KIAA1217: variants seen among roughly 807,000 people sequenced by gnomAD.
KIAA1217 encodes KIAA1217, also known as sickle tail protein homolog.
A neutral mutation model predicts 163.9 loss-of-function variants in KIAA1217; 88 were observed. The ratio of observed to expected loss-of-function variants is 0.54; its 90% CI spans 0.45 to 0.64. The LOEUF is 0.64. Ranked by LOEUF, KIAA1217 falls within the 30% of genes least tolerant of loss-of-function variation. The probability of loss-of-function intolerance (pLI) is 0.00; values close to 1 mark genes in which losing one functional copy is unlikely to be tolerated. For synonymous variants in KIAA1217, 903 were observed against 923.1 expected (o/e 0.98, Z 0.39); for missense variants, 2,372 against 2,475.0 (o/e 0.96, Z 0.88).
intron 2 of KIAA1217, among the ~76,000 whole-genome samples, chr10:24,349,602 C>T (rs2048209435): frequency 6.6e-6 from 1 of 152,116 alleles, no homozygotes; most frequent in South Asian, 2.1e-4. Context: ...CCTTCTTTTG[C>T]CTGGCCAGCT....
At chr10:24,104,045 G>A (rs2062524447) in intron 2 of KIAA1217, among the ~76,000 whole-genome samples, 1 of 151,894 alleles carries the variant, frequency 6.6e-6, no homozygotes, top group Admixed American at 6.6e-5. Flanking sequence ...ACATTGTGGG[G>A]ATTCATTCAT....
chr10:24,402,830 A>T (rs972472707), intron 3 of KIAA1217, among the ~76,000 whole-genome samples: 1 of 152,062 alleles, frequency 6.6e-6, no homozygotes, highest in Non-Finnish European at 1.5e-5. Flanking sequence ...TTGTCTTTTC[A>T]TCCTCTGAAG....
intron 1 of KIAA1217, among the ~76,000 whole-genome samples, chr10:23,924,188 G>A (rs1381151021): frequency 7.1e-6 from 1 of 140,198 alleles, no homozygotes; most frequent in East Asian, 2.1e-4. Flanking sequence ...TTTACTTTAA[G>A]TTCTAGGATA....
intron 1 of KIAA1217, among the ~76,000 whole-genome samples, chr10:23,833,456 C>A (rs557688886): frequency 6.0e-5 from 9 of 149,408 alleles, no homozygotes; most frequent in Non-Finnish European, 1.3e-4. Flanking sequence ...GCACTCTAGG[C>A]TGGATGACAG....
At chr10:23,777,592 T>C (rs1283602425) in intron 1 of KIAA1217, among the ~76,000 whole-genome samples, 1 of 152,198 alleles carries the variant, frequency 6.6e-6, no homozygotes, top group Non-Finnish European at 1.5e-5. Context: ...TTAGGACCCA[T>C]AATCACATTC....
intron 3 of KIAA1217, among the ~76,000 whole-genome samples, chr10:24,387,180 G>A (rs2054128231): frequency 6.6e-6 from 1 of 152,174 alleles, no homozygotes; most frequent in Non-Finnish European, 1.5e-5. Context: ...ACTGAATCCA[G>A]CAGCACATCA....
At chr10:24,503,571 A>G (rs1247088065) in intron 9 of KIAA1217, among the ~76,000 whole-genome samples, 2 of 152,298 alleles carry the variant, frequency 1.3e-5, no homozygotes, top group Non-Finnish European at 1.5e-5. Flanking sequence ...CTCAGTTCCA[A>G]CTGGCTCTTA....
At chr10:24,015,507 G>A (rs1847435352) in intron 2 of KIAA1217, among the ~76,000 whole-genome samples, 1 of 152,050 alleles carries the variant, frequency 6.6e-6, no homozygotes. Flanking sequence ...CATAATCCCA[G>A]CACTTTGGGA....
intron 2 of KIAA1217, chr10:24,158,418 G>T: frequency 1.7e-6 from 1 of 586,420 alleles, no homozygotes; most frequent in South Asian, 1.4e-5. Flanking sequence ...CACAGTATGG[G>T]AATATCTTAA....
At chr10:24,097,772 G>C (rs926220014) in intron 2 of KIAA1217, among the ~76,000 whole-genome samples, 2 of 152,078 alleles carry the variant, frequency 1.3e-5, no homozygotes, top group African/African-American at 4.8e-5. Flanking sequence ...TCCAAATCAG[G>C]ACCATCTGCA....
intron 2 of KIAA1217, among the ~76,000 whole-genome samples, chr10:24,113,130 A>T (rs1419454082): frequency 3.9e-5 from 6 of 152,160 alleles, no homozygotes; most frequent in Non-Finnish European, 7.4e-5. Context: ...ACAACGTGTT[A>T]CAGTAGCCAG....
rs540431949 is a variant in KIAA1217 at position 23,809,850 on chromosome 10, C to T, written c.-321+114616C>T. Among the ~76,000 whole-genome samples the T allele has an allele frequency of 2.0e-5, 3 of 152,146 alleles. No homozygotes were observed. The East Asian group carries it at 5.8e-4, about 29-fold the overall frequency. On this transcript the variant is annotated intron_variant, in intron 1 of 18. Transcript: ENST00000376462. Reference sequence around the variant, plus strand: ...ATGTATCTGCATATGCAGATGGTCTCTGACTTAACAGTTCTTTGACTTATG... The same window carrying T: ...ATGTATCTGCATATGCAGATGGTCTTTGACTTAACAGTTCTTTGACTTATG...
Position 24,060,673 on chromosome 10 carries a change from G to A in KIAA1217, c.-171+53299G>A, listed in dbSNP as rs72773166. Among the ~76,000 whole-genome samples, 1,075 of 152,234 alleles carry A rather than the reference G, an allele frequency of 7.1e-3. 8 individuals are homozygous for A. The highest frequency in any genetic ancestry group is 0.011 in the South Asian group (54 of 4,826). On this transcript the variant is annotated intron_variant, in intron 2 of 18. Transcript: ENST00000376462. ...GAGATGTGCGTGGTGACACAAGCCT[G>A]TAGTCCTAGATACTTGGGAGGCTGA... is the stretch of plus-strand genomic sequence containing the variant.
chr10:23,872,547 T>C (rs541076399), intron 1 of KIAA1217, among the ~76,000 whole-genome samples: 6 of 152,190 alleles, frequency 3.9e-5, no homozygotes, highest in Admixed American at 2.0e-4. Context: ...ATATCTCCAC[T>C]AGCTGGTGTT....
At chr10:24,265,432 T>A (rs952407879) in intron 2 of KIAA1217, among the ~76,000 whole-genome samples, 27 of 152,226 alleles carry the variant, frequency 1.8e-4, no homozygotes, top group African/African-American at 5.8e-4. Context: ...ATCCCACATG[T>A]ACTGCCCTGT....
intron 1 of KIAA1217, among the ~76,000 whole-genome samples, chr10:23,878,256 A>AT (rs141472582): frequency 0.015 from 2,319 of 151,990 alleles, 60 homozygotes; most frequent in African/African-American, 0.05. Flanking sequence ...ACCAAAATGG[A>AT]TTTTTTAAAA....
At chr10:24,242,468 T>C (rs2131323154) in intron 2 of KIAA1217, among the ~76,000 whole-genome samples, 1 of 152,352 alleles carries the variant, frequency 6.6e-6, no homozygotes, top group South Asian at 2.1e-4. Context: ...GGTGAACATG[T>C]ACCACATTTT....
At chr10:23,775,956 A>G (rs1393241814) in intron 1 of KIAA1217, among the ~76,000 whole-genome samples, 1 of 152,226 alleles carries the variant, frequency 6.6e-6, no homozygotes, top group Non-Finnish European at 1.5e-5. Context: ...ATAAAACATA[A>G]TTATCCCATA....
At chr10:23,960,225 T>C (rs1451951084) in intron 1 of KIAA1217, among the ~76,000 whole-genome samples, 1 of 151,812 alleles carries the variant, frequency 6.6e-6, no homozygotes, top group Non-Finnish European at 1.5e-5. Flanking sequence ...AGAATTCTTT[T>C]ATAGCTTCCT....
Sources: allele counts gnomAD v4.1 joint callset (sites outside exome capture counted in the v4.1 genomes callset), GRCh38; gene constraint gnomAD v4.1.1; transcripts MANE v1.5; gene names NCBI Gene and HGNC (gene_info 2026-07-23, HGNC 2026-07-21).